ATXN2: variants seen among roughly 807,000 people sequenced by gnomAD.
The protein encoded by ATXN2 is ataxin 2, also known as ataxin-2.
ATXN2 carries 37 observed loss-of-function variants against 138.6 expected under a neutral mutation model. The observed-to-expected ratio is 0.27, with a 90% CI of 0.21 to 0.35. The LOEUF (loss-of-function observed/expected upper bound fraction) is 0.35. Among genes scored for constraint, ATXN2 ranks in the 10% least tolerant of loss-of-function variants. ATXN2 has a pLI of 1.00. For synonymous variants in ATXN2, 549 were observed against 543.7 expected, an observed-to-expected ratio of 1.01 and a Z score of -0.13; for missense variants, 1,216 against 1,480.3, an observed-to-expected ratio of 0.82 and a Z score of 2.93.
intron 18 of ATXN2, among the ~76,000 whole-genome samples, chr12:111,475,368 A>C: frequency 6.9e-6 from 1 of 144,164 alleles, no homozygotes. Context: ...AAAAGTTACC[A>C]CAATATGAAA....
intron 14 of ATXN2, among the ~76,000 whole-genome samples, chr12:111,507,569 C>T (rs1879233398): frequency 6.7e-6 from 1 of 149,254 alleles, no homozygotes; most frequent in African/African-American, 2.5e-5. Context: ...GCCAGCCGCC[C>T]CGTCCGGGAG....
intron 18 of ATXN2, among the ~76,000 whole-genome samples, chr12:111,475,576 C>T (rs1344627418): frequency 1.4e-5 from 2 of 147,006 alleles, no homozygotes; most frequent in East Asian, 2.1e-4. Context: ...CTACAACTTC[C>T]GCCTCCTGGG....
At chr12:111,547,543 T>C (rs1241283790) in intron 5 of ATXN2, among the ~76,000 whole-genome samples, 6 of 151,360 alleles carry the variant, frequency 4.0e-5, no homozygotes, top group African/African-American at 1.2e-4. Context: ...CTGACCAACG[T>C]GGAGAAACCC....
intron 18 of ATXN2, among the ~76,000 whole-genome samples, chr12:111,477,952 ATTTTTCT>A (rs1446917167): frequency 1.3e-5 from 2 of 149,646 alleles, no homozygotes; most frequent in Non-Finnish European, 3.0e-5. Context: ...TGCCTGGCTA[ATTTTTCT>A]TTTTTCTTTT....
chr12:111,520,155 A>G lies in ATXN2; in HGVS notation c.789-79T>C, dbSNP rs140820516. 3.2e-3 allele frequency: 4,898 copies of G among 1,521,788 alleles called. 10 individuals are homozygous for G. Among genetic ancestry groups the G allele is most frequent in the Middle Eastern group, 5.0e-3 (29 of 5,856 alleles). The allele number at this position is 1,521,788 out of a possible 1,614,324, so 94.3% of individuals were successfully genotyped here. On this transcript the variant is annotated intron_variant, in intron 7 of 24. Coordinates refer to ENST00000673436, the MANE Select transcript of ATXN2 (RefSeq NM_001372574.1). ...GTATCTGTCATAATCAACTACTAAG[A>G]AAGTTTAGAGTTTAGAATACTGGTA...
chr12:111,486,390 A>C (rs1877644265), intron 16 of ATXN2, among the ~76,000 whole-genome samples: 1 of 152,240 alleles, frequency 6.6e-6, no homozygotes, highest in Non-Finnish European at 1.5e-5. Flanking sequence ...ATGACAAGGA[A>C]ACGTCTGCAT....
At chr12:111,567,740 G>A (rs1592910150) in intron 1 of ATXN2, among the ~76,000 whole-genome samples, 1 of 151,918 alleles carries the variant, frequency 6.6e-6, no homozygotes, top group East Asian at 1.9e-4. Flanking sequence ...CTTCAACTCA[G>A]GAGGCAGAGG....
intron 1 of ATXN2, chr12:111,581,426 C>G: frequency 1.3e-6 from 1 of 751,820 alleles, no homozygotes; most frequent in Non-Finnish European, 2.4e-6. Flanking sequence ...CATCGGCCAT[C>G]CCCCTAACTA....
chr12:111,455,548 A>G, intron 23 of ATXN2: 1 of 269,828 alleles, frequency 3.7e-6, no homozygotes, highest in Non-Finnish European at 7.2e-6. Flanking sequence ...TATATGGATA[A>G]CCAGGGAAAA....
At chr12:111,486,912 T>A in intron 15 of ATXN2, 88 bp from the exon 16 acceptor site, 1 of 1,093,840 alleles carries the variant, frequency 9.1e-7, no homozygotes, top group Non-Finnish European at 1.3e-6. Context: ...AAAAAATTGC[T>A]AAATATAGAT....
At chr12:111,497,565 G>A (rs1878496364) in intron 14 of ATXN2, among the ~76,000 whole-genome samples, 1 of 151,860 alleles carries the variant, frequency 6.6e-6, no homozygotes, top group Non-Finnish European at 1.5e-5. Context: ...AGGATGGTTC[G>A]ACATACGCAA....
chr12:111,479,361 T>A (rs1001845040), intron 18 of ATXN2, among the ~76,000 whole-genome samples: 7 of 125,970 alleles, frequency 5.6e-5, no homozygotes, highest in Admixed American at 1.0e-4. Context: ...GAGACCAGCC[T>A]GGCCAACATG....
intron 1 of ATXN2, among the ~76,000 whole-genome samples, chr12:111,580,354 G>C (rs1291328331): frequency 6.6e-6 from 1 of 151,664 alleles, no homozygotes; most frequent in Admixed American, 6.6e-5. Flanking sequence ...GCCGGACATG[G>C]TGGTACACAC....
chr12:111,485,606 C>T (rs1380710514), intron 17 of ATXN2, 107 bp downstream of exon 17: 6 of 1,343,306 alleles, frequency 4.5e-6, no homozygotes, highest in Admixed American at 3.8e-5. Flanking sequence ...GTTTCAAATG[C>T]ATATGCATAA....
At chr12:111,455,689 G>A (rs994410252) in intron 23 of ATXN2, 21 of 376,524 alleles carry the variant, frequency 5.6e-5, no homozygotes, top group African/African-American at 2.1e-5. Context: ...GTGTGTAGGG[G>A]AATATATATG....
intron 21 of ATXN2, among the ~76,000 whole-genome samples, chr12:111,461,490 T>C (rs555664087): frequency 2.4e-4 from 35 of 148,196 alleles, no homozygotes; most frequent in African/African-American, 5.5e-4. Context: ...AATAAACAAA[T>C]AAATAAATAA....
rs944791444 is a variant in ATXN2 at position 111,552,873 on chromosome 12, C to G, written c.420+33G>C. On this transcript the variant is annotated intron_variant, in intron 4 of 24. Coordinates refer to ENST00000673436, the MANE Select transcript of ATXN2 (RefSeq NM_001372574.1). The surrounding 1 kb of genome is among the most constrained non-coding windows in gnomAD (Gnocchi z 4.1). Reference sequence around the variant, plus strand: ...CACTGACTATGAAAATGTTCTTTTACTTTGTAAGAAAAAGAAAAAAAGTAA... The same window carrying G: ...CACTGACTATGAAAATGTTCTTTTAGTTTGTAAGAAAAAGAAAAAAAGTAA... The G allele has an allele frequency of 5.6e-6, 8 of 1,417,696 alleles. No homozygotes were observed. Among genetic ancestry groups the G allele is most frequent in the Non-Finnish European group, 7.7e-6 (8 of 1,041,628 alleles). The allele number at this position is 1,417,696 out of a possible 1,614,324, so 87.8% of individuals were successfully genotyped here. A position where few individuals can be genotyped will look rare whatever the true frequency, so the allele number is the denominator to read the frequency against.
At chr12:111,509,716 A>T in intron 13 of ATXN2, 97 bp from the exon 14 acceptor site, 1 of 935,748 alleles carries the variant, frequency 1.1e-6, no homozygotes, top group Non-Finnish European at 1.6e-6. Context: ...ATAAGATATA[A>T]GATCAGAAAA....
intron 21 of ATXN2, among the ~76,000 whole-genome samples, chr12:111,462,977 TACAC>T (rs59710594): frequency 9.9e-4 from 146 of 147,848 alleles, no homozygotes; most frequent in Non-Finnish European, 1.7e-3. Flanking sequence ...TATATATATA[TACAC>T]ACACACACAC....
Sources: allele counts gnomAD v4.1 joint callset (sites outside exome capture counted in the v4.1 genomes callset), GRCh38; gene constraint gnomAD v4.1.1; non-coding constraint Gnocchi (gnomAD v3.1); transcripts MANE v1.5; gene names NCBI Gene and HGNC (gene_info 2026-07-23, HGNC 2026-07-21).